PPA2: variants seen among roughly 807,000 people sequenced by gnomAD.
The protein encoded by PPA2 is inorganic pyrophosphatase 2, mitochondrial.
Under a neutral mutation model 49.5 loss-of-function variants are expected in PPA2, and 48 were observed. That is an observed-to-expected ratio of 0.97 (90% confidence interval 0.77 to 1.23). The LOEUF (loss-of-function observed/expected upper bound fraction) is 1.23, where lower values mean the gene tolerates loss of function less well. PPA2 is among the 50% of genes most tolerant of loss of function. The pLI, the probability that PPA2 is intolerant of heterozygous loss-of-function variation, is 0.00. For synonymous variants in PPA2, 131 were observed against 139.9 expected (o/e 0.94, Z 0.45); for missense variants, 429 against 410.1 (o/e 1.05, Z -0.40).
chr4:105,429,223 G>A (rs1465189138), intron 6 of PPA2, among the ~76,000 whole-genome samples: 1 of 152,138 alleles, frequency 6.6e-6, no homozygotes, highest in Non-Finnish European at 1.5e-5. Context: ...GGCTAGAAGT[G>A]CATTATTTTA....
intron 5 of PPA2, among the ~76,000 whole-genome samples, chr4:105,438,431 A>G (rs1425585467): frequency 6.6e-6 from 1 of 152,128 alleles, no homozygotes; most frequent in Non-Finnish European, 1.5e-5. Flanking sequence ...GCTTCCTTTG[A>G]CCCGGTAACA....
At chr4:105,376,828 G>C (rs113801469) in intron 10 of PPA2, among the ~76,000 whole-genome samples, 12 of 152,258 alleles carry the variant, frequency 7.9e-5, no homozygotes, top group African/African-American at 2.9e-4. Flanking sequence ...CCTCAGTTCT[G>C]TATGCCACCA....
At chr4:105,443,591 TCACACACACA>T (rs56765056) in intron 5 of PPA2, among the ~76,000 whole-genome samples, 6,157 of 145,450 alleles carry the variant, frequency 0.042, 140 homozygotes, top group African/African-American at 0.071. Flanking sequence ...TATGGTGTAT[TCACACACACA>T]CACACACACA....
At chr4:105,411,678 T>C (rs1722764148) in intron 7 of PPA2, among the ~76,000 whole-genome samples, 1 of 152,222 alleles carries the variant, frequency 6.6e-6, no homozygotes, top group Non-Finnish European at 1.5e-5. Flanking sequence ...CATGATTGTA[T>C]ATTTAGAAAA....
At chr4:105,385,442 A>G (rs1006271366) in intron 10 of PPA2, among the ~76,000 whole-genome samples, 1 of 151,924 alleles carries the variant, frequency 6.6e-6, no homozygotes, top group African/African-American at 2.4e-5. Flanking sequence ...ACAACAACAA[A>G]AAAACAAACA....
At chr4:105,376,539 T>C (rs549181184) in intron 10 of PPA2, among the ~76,000 whole-genome samples, 1 of 152,150 alleles carries the variant, frequency 6.6e-6, no homozygotes, top group Non-Finnish European at 1.5e-5. Flanking sequence ...TGTCGATGAA[T>C]AGGCAAAAAC....
chr4:105,408,772 C>G (rs562216088), intron 7 of PPA2, among the ~76,000 whole-genome samples: 38 of 152,276 alleles, frequency 2.5e-4, no homozygotes, highest in African/African-American at 8.7e-4. Context: ...TATTTTCAGA[C>G]TGTGCTAAAA....
At chr4:105,370,155 A>G (rs967730691) in intron 11 of PPA2, among the ~76,000 whole-genome samples, 21 of 152,238 alleles carry the variant, frequency 1.4e-4, no homozygotes, top group African/African-American at 4.8e-4. Flanking sequence ...AGCTTACCAT[A>G]TAAGGAATAC....
chr4:105,459,093 T>C (rs1722982180), intron 1 of PPA2, among the ~76,000 whole-genome samples: 2 of 152,200 alleles, frequency 1.3e-5, no homozygotes, highest in African/African-American at 2.4e-5. Context: ...TCTATTACTA[T>C]TTTATTTTTC....
intron 10 of PPA2, among the ~76,000 whole-genome samples, chr4:105,386,157 G>A (rs770107174): frequency 2.6e-5 from 4 of 151,920 alleles, no homozygotes; most frequent in African/African-American, 7.2e-5. Context: ...CTGGGATTAC[G>A]GGAAGGAGCT....
chr4:105,395,890 GATC>G (rs1231199267), intron 9 of PPA2, among the ~76,000 whole-genome samples: 1 of 152,206 alleles, frequency 6.6e-6, no homozygotes, highest in East Asian at 1.9e-4. Context: ...ATCAATTAGT[GATC>G]ATGATGAATA....
Position 105,369,522 on chromosome 4 carries a change from C to T in PPA2, c.*203G>A. ...ACAGGCATGAGCCACCGTGCCTGGC[C>T]AAAATCTTCTTTTTATATCAATAAA... On this transcript the variant is annotated 3_prime_UTR_variant, in exon 12 of 12. Coordinates refer to ENST00000341695, the MANE Select transcript of PPA2 (RefSeq NM_176869.3). 1 of 536,292 alleles carries T rather than the reference C, an allele frequency of 1.9e-6. No homozygotes were observed. The highest frequency in any genetic ancestry group is 3.3e-6 in the Non-Finnish European group (1 of 307,234). 33.2% of individuals were successfully genotyped at this position (536,292 alleles called of 1,614,324 possible).
At chr4:105,379,794 C>T (rs939702524) in intron 10 of PPA2, among the ~76,000 whole-genome samples, 7 of 151,898 alleles carry the variant, frequency 4.6e-5, no homozygotes, top group South Asian at 2.1e-4. Flanking sequence ...TCACCATGCC[C>T]GCCTTATTTT....
intron 6 of PPA2, among the ~76,000 whole-genome samples, chr4:105,428,693 T>C (rs1723647427): frequency 1.3e-5 from 2 of 151,864 alleles, no homozygotes; most frequent in African/African-American, 2.4e-5. Flanking sequence ...AGGGGAGGGA[T>C]AGCATTAGGA....
At chr4:105,411,062 C>T (rs973843972) in intron 7 of PPA2, among the ~76,000 whole-genome samples, 5 of 152,142 alleles carry the variant, frequency 3.3e-5, no homozygotes, top group African/African-American at 1.2e-4. Flanking sequence ...TCACACATAA[C>T]AATATTAACC....
chr4:105,386,718 T>C, intron 9 of PPA2, 82 bp from the exon 10 acceptor site: 1 of 1,033,994 alleles, frequency 9.7e-7, no homozygotes. Flanking sequence ...TAACTCCAAA[T>C]ACTCCACATC....
intron 10 of PPA2, among the ~76,000 whole-genome samples, chr4:105,382,613 G>A (rs1426186530): frequency 6.6e-6 from 1 of 152,068 alleles, no homozygotes; most frequent in Non-Finnish European, 1.5e-5. Flanking sequence ...AGATCCAACT[G>A]TTAGTCACAA....
Position 105,399,329 on chromosome 4 carries a change from C to T in PPA2, c.656-165G>A, listed in dbSNP as rs948322955. 3 of 583,482 alleles carry T rather than the reference C, an allele frequency of 5.1e-6. No individual in the cohort carries two copies. The African/African-American group carries it at 5.6e-5, about 11-fold the overall frequency. The allele number at this position is 583,482 out of a possible 1,614,324, so 36.1% of individuals were successfully genotyped here. A position where few individuals can be genotyped will look rare whatever the true frequency, so the allele number is the denominator to read the frequency against. On this transcript the variant is annotated intron_variant, in intron 7 of 11. Coordinates refer to ENST00000341695, the MANE Select transcript of PPA2 (RefSeq NM_176869.3). ...GCATCATCATTGATATGTATATCAC[C>T]TTCAGACTTTTGTGTTTTCATATGT... is the stretch of plus-strand genomic sequence containing the variant.
At chr4:105,462,668 T>C (rs1310389016) in intron 1 of PPA2, among the ~76,000 whole-genome samples, 1 of 152,226 alleles carries the variant, frequency 6.6e-6, no homozygotes, top group Admixed American at 6.5e-5. Context: ...AATATATTGA[T>C]ATGGTTTGGC....
Sources: gnomAD v4.1 joint callset for allele counts (sites outside exome capture counted in the v4.1 genomes callset) on GRCh38, gnomAD v4.1.1 for gene constraint, MANE v1.5 for transcripts, NCBI Gene and HGNC (gene_info 2026-07-23, HGNC 2026-07-21) for gene names.